ST14: variants seen among roughly 807,000 people sequenced by gnomAD.
ST14 encodes ST14 transmembrane serine protease matriptase.
A neutral mutation model predicts 96.5 loss-of-function variants in ST14; 40 were observed. The observed-to-expected ratio is 0.41, with a 90% confidence interval of 0.32 to 0.54. The LOEUF is 0.54. Among genes scored for constraint, ST14 ranks in the 20% least tolerant of loss-of-function variants. The probability of loss-of-function intolerance (pLI) is 0.17; values close to 1 mark genes in which losing one functional copy is unlikely to be tolerated. For synonymous variants in ST14, 506 were observed against 492.1 expected (o/e 1.03, Z -0.37); for missense variants, 1,066 against 1,188.9 (o/e 0.90, Z 1.52).
intron 16 of ST14, among the ~76,000 whole-genome samples, chr11:130,205,698 C>CCTTTTT (rs1565629180): frequency 8.3e-6 from 1 of 120,826 alleles, no homozygotes; most frequent in Non-Finnish European, 1.7e-5. Flanking sequence ...CTTCTTTAGA[C>CCTTTTT]GTTTTTTTTT....
intron 1 of ST14, among the ~76,000 whole-genome samples, chr11:130,168,010 C>A (rs549568280): frequency 1.3e-5 from 2 of 152,334 alleles, no homozygotes; most frequent in East Asian, 3.9e-4. Context: ...CCACCGTGCC[C>A]AGCCTATTTT....
At chr11:130,172,536 G>A (rs1953102246) in intron 1 of ST14, among the ~76,000 whole-genome samples, 1 of 149,916 alleles carries the variant, frequency 6.7e-6, no homozygotes, top group Admixed American at 6.7e-5. Context: ...TCCTGCCTCA[G>A]CCTCCCCAGT....
chr11:130,173,582 C>A (rs997467570), intron 1 of ST14, among the ~76,000 whole-genome samples: 39 of 147,750 alleles, frequency 2.6e-4, no homozygotes, highest in Non-Finnish European at 4.9e-4. Flanking sequence ...CGTGACAGAG[C>A]GAGACTCTGT....
intron 1 of ST14, among the ~76,000 whole-genome samples, chr11:130,179,955 C>T (rs888531202): frequency 5.9e-5 from 9 of 152,220 alleles, no homozygotes; most frequent in African/African-American, 1.9e-4. Flanking sequence ...TGCTTTCTTC[C>T]CCGGGGAAAC....
chr11:130,209,338 G>A, intron 17 of ST14, 104 bp from the exon 18 acceptor site: 3 of 1,472,052 alleles, frequency 2.0e-6, no homozygotes, highest in Non-Finnish European at 2.8e-6. Context: ...CCGGGCATCT[G>A]GGCTGTTCCA....
chr11:130,159,892 G>T lies in ST14; in HGVS notation c.-88G>T. The T allele has an allele frequency of 1.3e-6, 1 of 791,188 alleles. No homozygotes were observed. The highest frequency in any genetic ancestry group is 1.8e-5 in the African/African-American group (1 of 54,578). The allele number at this position is 791,188 out of a possible 1,614,324, so 49.0% of individuals were successfully genotyped here. ...GGGCCTGCCCGGAATCCCGCCGCCT[G>T]CGCCCCGCGCCCCGCGCCCTGCGGG... On this transcript the variant is annotated 5_prime_UTR_variant, in exon 1 of 19. Transcript: ENST00000278742.
intron 1 of ST14, among the ~76,000 whole-genome samples, chr11:130,176,754 T>G (rs1953141788): frequency 6.6e-6 from 1 of 150,784 alleles, no homozygotes; most frequent in Non-Finnish European, 1.5e-5. Flanking sequence ...TACTTTGCAT[T>G]AAAAGTACAG....
At chr11:130,180,094 G>A (rs1211104771) in intron 1 of ST14, among the ~76,000 whole-genome samples, 1 of 152,182 alleles carries the variant, frequency 6.6e-6, no homozygotes, top group Non-Finnish European at 1.5e-5. Context: ...TGGAGTCACC[G>A]AGCGTGTCAG....
chr11:130,159,939 A>C lies in ST14; in HGVS notation c.-41A>C. ...CGGGCCATGGGAGCCGGCCGCCGGCAGGGACGACGCCTGTGAGACCCGCGA... is the reference window on the plus strand; with the variant it reads ...CGGGCCATGGGAGCCGGCCGCCGGCCGGGACGACGCCTGTGAGACCCGCGA... On this transcript the variant is annotated 5_prime_UTR_variant, in exon 1 of 19. Transcript: ENST00000278742. 8.3e-7 allele frequency: 1 copy of C among 1,208,232 alleles called. No individual in the cohort carries two copies. Among genetic ancestry groups the C allele is most frequent in the Non-Finnish European group, 1.0e-6 (1 of 954,050 alleles). The allele number at this position is 1,208,232 out of a possible 1,614,324, so 74.8% of individuals were successfully genotyped here. A position where few individuals can be genotyped will look rare whatever the true frequency, so the allele number is the denominator to read the frequency against.
At position 130,204,131 on chromosome 11, in the gene ST14, G is replaced by A. The variant is rs562461487; in HGVS notation, c.1994+3994G>A. Among the ~76,000 whole-genome samples, 13 of 152,300 alleles carry A rather than the reference G, an allele frequency of 8.5e-5. 1 individual carries two copies. In the South Asian group the frequency reaches 2.7e-3, roughly 32 times the overall value. Reference sequence around the variant, plus strand: ...GACCCTTCTTGTCACGCTGTAATTGGTGGTTTTCATATCTCTCCACATGTA... The same window carrying A: ...GACCCTTCTTGTCACGCTGTAATTGATGGTTTTCATATCTCTCCACATGTA... On this transcript the variant is annotated intron_variant, in intron 16 of 18. Coordinates refer to ENST00000278742, the MANE Select transcript of ST14 (RefSeq NM_021978.4).
chr11:130,201,093 C>T (rs1953422587), intron 16 of ST14, among the ~76,000 whole-genome samples: 1 of 152,248 alleles, frequency 6.6e-6, no homozygotes, highest in East Asian at 1.9e-4. Context: ...GTGCCTGGCA[C>T]ATAGTAGGTG....
rs528752447 is a variant in ST14 at position 130,164,733 on chromosome 11, A to ATTAT, written c.81+4675_81+4678dup. ...CACACCCAGCCTTATTATTATTATTATTATTATTATTATTATTATTTTGAG... is the reference window on the plus strand; with the variant it reads ...CACACCCAGCCTTATTATTATTATTATTATTTATTATTATTATTATTATTTTGAG... On this transcript the variant is annotated intron_variant, in intron 1 of 18. Transcript: ENST00000278742. Among the ~76,000 whole-genome samples, 134 of 143,968 alleles carry ATTAT rather than the reference A, an allele frequency of 9.3e-4. 1 individual carries two copies. In the South Asian group the frequency reaches 0.029, roughly 31 times the overall value. The allele number at this position is 143,968 out of a possible 152,430, so 94.4% of individuals were successfully genotyped here. A position where few individuals can be genotyped will look rare whatever the true frequency, so the allele number is the denominator to read the frequency against.
chr11:130,186,387 A>G (rs1441939434), intron 1 of ST14, among the ~76,000 whole-genome samples: 1 of 152,252 alleles, frequency 6.6e-6, no homozygotes, highest in Admixed American at 6.5e-5. Context: ...GAGATTAAGG[A>G]AAATCCCAGG....
chr11:130,166,353 G>A (rs528967337), intron 1 of ST14, among the ~76,000 whole-genome samples: 5 of 152,308 alleles, frequency 3.3e-5, no homozygotes, highest in South Asian at 2.1e-4. Flanking sequence ...TGTCTGCTGG[G>A]TGTGGAGCCC....
chr11:130,196,413 C>G lies in ST14; in HGVS notation c.1188C>G (p.Thr396=), dbSNP rs1468659888. 2 of 1,610,634 alleles carry G rather than the reference C, an allele frequency of 1.2e-6. No individual in the cohort carries two copies. The highest frequency in any genetic ancestry group is 1.7e-6 in the Non-Finnish European group (2 of 1,178,742). The change falls in exon 10 of 19, where the codon ACC becomes ACG. Residue 396 remains threonine, a synonymous_variant. Transcript: ENST00000278742. The part of the protein sequence containing the change: ...YLLEPGVPAG[T]CPKDYVEING... ...TGGAGCCCGGCGTGCCTGCGGGCACCTGCCCCAAGGACTACGTGGAGATCA... is the reference window on the plus strand; with the variant it reads ...TGGAGCCCGGCGTGCCTGCGGGCACGTGCCCCAAGGACTACGTGGAGATCA...
At chr11:130,197,126 T>G (rs900919661) in intron 11 of ST14, among the ~76,000 whole-genome samples, 3 of 152,256 alleles carry the variant, frequency 2.0e-5, no homozygotes, top group Non-Finnish European at 2.9e-5. Context: ...TTTCCACATA[T>G]GCAATGTGTT....
At position 130,209,585 on chromosome 11, in the gene ST14, C is replaced by T. The variant is rs1429681238; in HGVS notation, c.2406+7C>T. 3 of 1,580,694 alleles carry T rather than the reference C, an allele frequency of 1.9e-6. No homozygotes were observed. In the South Asian group the frequency reaches 3.4e-5, roughly 18 times the overall value. ...CGGCGTGGACTCCTGCCAGGTGGCC[C>T]CCGGGGCAGGAGGGCGGCAGGTGGG... On this transcript the variant is annotated splice_region_variant and intron_variant, in intron 18 of 18. Transcript: ENST00000278742.
Position 130,188,682 on chromosome 11 carries a change from TGCTGG to T in ST14, c.369+30_369+34del. Reference sequence around the variant, plus strand: ...GGTGAGTGCAGCCTGCCCAGAGTCCTGCTGGGCTGTGTGCGCTGGTGTCCCACCTG... The same window carrying T: ...GGTGAGTGCAGCCTGCCCAGAGTCCTGCTGTGTGCGCTGGTGTCCCACCTG... On this transcript the variant is annotated intron_variant, in intron 3 of 18. Transcript: ENST00000278742. The surrounding 1 kb of genome is among the most constrained non-coding windows in gnomAD (Gnocchi z 5.4). 6.2e-7 allele frequency: 1 copy of T among 1,614,104 alleles called. No homozygotes were observed. Among genetic ancestry groups the T allele is most frequent in the Non-Finnish European group, 8.5e-7 (1 of 1,180,016 alleles).
intron 7 of ST14, 118 bp downstream of exon 7, chr11:130,190,812 C>A: frequency 7.5e-7 from 1 of 1,327,974 alleles, no homozygotes; most frequent in Non-Finnish European, 1.0e-6. Flanking sequence ...CACTGCTAAA[C>A]ATCCAGGCAG....
Sources: allele counts gnomAD v4.1 joint callset (sites outside exome capture counted in the v4.1 genomes callset), GRCh38; gene constraint gnomAD v4.1.1; non-coding constraint Gnocchi (gnomAD v3.1); transcripts MANE v1.5; gene names NCBI Gene and HGNC (gene_info 2026-07-23, HGNC 2026-07-21).